The following DCAF8L2 variants were observed in gnomAD, a reference collection of about 807,000 sequenced individuals.
DCAF8L2 encodes the protein DDB1- and CUL4-associated factor 8-like protein 2.
For synonymous variants in DCAF8L2, 200 were observed against 190.9 expected (o/e 1.05, Z -0.39); for missense variants, 430 against 490.7 (o/e 0.88, Z 1.17).
intron 2 of DCAF8L2, among the ~76,000 whole-genome samples, chrX:27,638,474 G>A (rs1053987071): frequency 8.9e-6 from 1 of 111,740 alleles, no homozygotes; most frequent in African/African-American, 3.3e-5. Flanking sequence ...ATGGCCAGCT[G>A]GATTTGCCCT....
At chrX:27,565,039 A>G in the DCAF8L2 span, among the ~76,000 whole-genome samples, 1 of 109,066 alleles carries the variant, frequency 9.2e-6, no homozygotes, top group Non-Finnish European at 1.9e-5. Flanking sequence ...TGTTAAAACT[A>G]TAGTTTTAAC....
Position 27,727,278 on chromosome X carries a change from G to A in DCAF8L2, c.-59+11107G>A, listed in dbSNP as rs140339162. On this transcript the variant is annotated intron_variant, in intron 4 of 4. Coordinates refer to ENST00000451261, the MANE Select transcript of DCAF8L2 (RefSeq NM_001353450.2). ...ATCTATATGTCTCATTTGTGTATAT[G>A]GGTTGCAAATATACTGGTTTTAAAA... 9.1e-3 allele frequency among the ~76,000 whole-genome samples: 1,014 copies of A among 111,130 alleles called. 13 individuals are homozygous for A. The highest frequency in any genetic ancestry group is 0.031 in the African/African-American group (944 of 30,675).
chrX:27,617,691 G>T (rs1469140553), intron 1 of DCAF8L2, among the ~76,000 whole-genome samples: 1 of 110,768 alleles, frequency 9.0e-6, no homozygotes, highest in Non-Finnish European at 1.9e-5. Context: ...AAAATATCCA[G>T]TTGTCAGCTA....
the DCAF8L2 span, among the ~76,000 whole-genome samples, chrX:27,532,043 G>C: frequency 9.5e-6 from 1 of 104,778 alleles, no homozygotes; most frequent in Admixed American, 1.0e-4. Context: ...ATAGAGGGAT[G>C]GATAGATAAA....
At chrX:27,641,448 C>G (rs1191363653) in intron 2 of DCAF8L2, among the ~76,000 whole-genome samples, 1 of 75,582 alleles carries the variant, frequency 1.3e-5, no homozygotes, top group Non-Finnish European at 2.7e-5. Context: ...CTTTTCTTTT[C>G]TTTTCTTTCC....
chrX:27,682,138 C>T (rs913475408), intron 3 of DCAF8L2, among the ~76,000 whole-genome samples: 2 of 110,546 alleles, frequency 1.8e-5, no homozygotes, highest in East Asian at 5.7e-4. Context: ...TAATTTATTT[C>T]GTTTTTTGTA....
the DCAF8L2 span, chrX:27,517,963 C>A: frequency 8.4e-7 from 1 of 1,195,157 alleles, no homozygotes; most frequent in South Asian, 1.8e-5. Flanking sequence ...TTTTGGGCTG[C>A]AGTATGTAGA....
chrX:27,543,782 C>T, the DCAF8L2 span, among the ~76,000 whole-genome samples: 3 of 111,616 alleles, frequency 2.7e-5, no homozygotes, highest in African/African-American at 3.3e-5. Flanking sequence ...TATGGCTAGC[C>T]TCTGTGGAGA....
chrX:27,527,333 G>T, the DCAF8L2 span, among the ~76,000 whole-genome samples: 1 of 112,358 alleles, frequency 8.9e-6, no homozygotes, highest in Non-Finnish European at 1.9e-5. Flanking sequence ...CCAGGCACAG[G>T]ATATAATCTC....
the DCAF8L2 span, among the ~76,000 whole-genome samples, chrX:27,527,506 C>T: frequency 4.0e-4 from 45 of 111,250 alleles, no homozygotes; most frequent in East Asian, 6.0e-3. Context: ...CTTCGGCTCA[C>T]GCTCGGTGGG....
chrX:27,472,513 C>G, the DCAF8L2 span, among the ~76,000 whole-genome samples: 3 of 111,569 alleles, frequency 2.7e-5, no homozygotes, highest in Admixed American at 1.9e-4. Flanking sequence ...ACCCCACATG[C>G]ATTAGGTATT....
chrX:27,530,176 A>G, the DCAF8L2 span, among the ~76,000 whole-genome samples: 15 of 111,240 alleles, frequency 1.3e-4, no homozygotes, highest in Non-Finnish European at 5.7e-5. Flanking sequence ...TGAATAATAG[A>G]AAAGGAAGGG....
chrX:27,518,052 G>A, the DCAF8L2 span: 5 of 949,595 alleles, frequency 5.3e-6, no homozygotes, highest in African/African-American at 9.6e-5. Context: ...ATCCTTTACA[G>A]TTCTAGTTTA....
chrX:27,614,317 A>G (rs764269302), intron 1 of DCAF8L2, among the ~76,000 whole-genome samples: 1 of 109,075 alleles, frequency 9.2e-6, no homozygotes, highest in East Asian at 2.9e-4. Context: ...ATCATTTTTT[A>G]TTGTGTCTAT....
At chrX:27,484,745 A>G in the DCAF8L2 span, among the ~76,000 whole-genome samples, 27 of 111,921 alleles carry the variant, frequency 2.4e-4, no homozygotes, top group Non-Finnish European at 1.1e-4. Context: ...TGTGCATTAT[A>G]TATAAAAGCA....
chrX:27,615,309 C>T (rs190871474), intron 1 of DCAF8L2, among the ~76,000 whole-genome samples: 5 of 111,238 alleles, frequency 4.5e-5, no homozygotes, highest in East Asian at 5.6e-4. Context: ...TGAATGAACA[C>T]GTTTAAAGTT....
At chrX:27,594,617 C>T (rs187680405) in intron 1 of DCAF8L2, among the ~76,000 whole-genome samples, 6 of 111,100 alleles carry the variant, frequency 5.4e-5, no homozygotes, top group African/African-American at 1.6e-4. Flanking sequence ...CAAAAATTTC[C>T]TTAAGAGAAA....
intron 1 of DCAF8L2, among the ~76,000 whole-genome samples, chrX:27,614,861 C>G (rs1432345681): frequency 1.8e-5 from 2 of 111,040 alleles, no homozygotes; most frequent in African/African-American, 6.6e-5. Context: ...CTAAGGAGTG[C>G]TTTATTTCCA....
chrX:27,471,563 T>G, the DCAF8L2 span, among the ~76,000 whole-genome samples: 1 of 111,148 alleles, frequency 9.0e-6, no homozygotes, highest in Non-Finnish European at 1.9e-5. Flanking sequence ...TCATATCTCC[T>G]TCCTCATGGT....
Sources: allele counts gnomAD v4.1 joint callset (sites outside exome capture counted in the v4.1 genomes callset), GRCh38; gene constraint gnomAD v4.1.1; transcripts MANE v1.5; gene names NCBI Gene and HGNC (gene_info 2026-07-23, HGNC 2026-07-21).